Variants in INPP4B observed in about 807,000 individuals in gnomAD.
INPP4B encodes the protein inositol polyphosphate-4-phosphatase type II B, also known as inositol polyphosphate 4-phosphatase type II.
In INPP4B, 55 loss-of-function variants were observed where a neutral mutation model predicts 122.5. The ratio of observed to expected loss-of-function variants is 0.45; its 90% CI spans 0.36 to 0.56. The LOEUF (loss-of-function observed/expected upper bound fraction) is 0.56. INPP4B is among the 20% of genes least tolerant of loss of function. The probability of loss-of-function intolerance (pLI) is 0.00; values close to 1 mark genes in which losing one functional copy is unlikely to be tolerated. For missense variants in INPP4B, 1,000 were observed against 1,097.7 expected (o/e 0.91, Z 1.26); for synonymous variants, 403 against 388.7 (o/e 1.04, Z -0.43).
intron 2 of INPP4B, among the ~76,000 whole-genome samples, chr4:142,475,759 C>T (rs188047095): frequency 1.4e-4 from 22 of 152,208 alleles, no homozygotes; most frequent in East Asian, 1.2e-3. Flanking sequence ...AGTTCAAAGA[C>T]GGTTTCTCTA....
At chr4:142,704,235 A>G (rs28670348) in intron 2 of INPP4B, among the ~76,000 whole-genome samples, 13,432 of 152,242 alleles carry the variant, frequency 0.088, 723 homozygotes, top group African/African-American at 0.14. Flanking sequence ...TAGAGGGGAG[A>G]CACAGAGTGA....
chr4:142,139,812 G>T (rs1806791521), intron 18 of INPP4B, among the ~76,000 whole-genome samples: 1 of 152,134 alleles, frequency 6.6e-6, no homozygotes, highest in South Asian at 2.1e-4. Context: ...GTAGTTACCA[G>T]CAGACAGCTG....
At chr4:142,542,968 G>GA (rs920550034) in intron 2 of INPP4B, among the ~76,000 whole-genome samples, 2 of 151,616 alleles carry the variant, frequency 1.3e-5, no homozygotes, top group East Asian at 1.9e-4. Flanking sequence ...TTCAGAGAAA[G>GA]AAAAAAAATG....
chr4:142,509,313 T>C (rs1409763724), intron 2 of INPP4B, among the ~76,000 whole-genome samples: 1 of 152,158 alleles, frequency 6.6e-6, no homozygotes, highest in Non-Finnish European at 1.5e-5. Context: ...TGTGCTATGG[T>C]GGTTTGCTGC....
chr4:142,210,230 C>A (rs1232876885), intron 12 of INPP4B, among the ~76,000 whole-genome samples: 1 of 152,086 alleles, frequency 6.6e-6, no homozygotes, highest in Non-Finnish European at 1.5e-5. Flanking sequence ...CTGTTAAATG[C>A]AAGAATAATG....
At chr4:142,592,211 T>C (rs1737649554) in intron 2 of INPP4B, among the ~76,000 whole-genome samples, 1 of 152,192 alleles carries the variant, frequency 6.6e-6, no homozygotes, top group Non-Finnish European at 1.5e-5. Flanking sequence ...TTCCAAATAA[T>C]TTTTCCCAGG....
chr4:142,635,108 G>C (rs1158480935), intron 2 of INPP4B, among the ~76,000 whole-genome samples: 2 of 152,120 alleles, frequency 1.3e-5, no homozygotes, highest in East Asian at 1.9e-4. Flanking sequence ...ATGGAAAAAA[G>C]CTCAATATTA....
intron 1 of INPP4B, among the ~76,000 whole-genome samples, chr4:142,727,921 C>T (rs887356274): frequency 6.6e-6 from 1 of 152,104 alleles, no homozygotes; most frequent in African/African-American, 2.4e-5. Context: ...CTTGTGCACA[C>T]GGCTGACAGT....
chr4:142,807,023 G>T (rs1434760154), intron 1 of INPP4B, among the ~76,000 whole-genome samples: 1 of 152,144 alleles, frequency 6.6e-6, no homozygotes, highest in Non-Finnish European at 1.5e-5. Flanking sequence ...TTTGCTACAT[G>T]ATTGTGATGT....
At chr4:142,775,251 T>C (rs77418051) in intron 1 of INPP4B, among the ~76,000 whole-genome samples, 11,845 of 152,156 alleles carry the variant, frequency 0.078, 570 homozygotes, top group Middle Eastern at 0.12. Context: ...CTCTCCTCCA[T>C]GCATTCTTCT....
In INPP4B at chr4:142,637,851, C is replaced by G. The variant is rs374090772; in HGVS notation, c.-191+87988G>C. 2.6e-5 allele frequency among the ~76,000 whole-genome samples: 4 copies of G among 152,208 alleles called. No homozygotes were observed. In the East Asian group the frequency reaches 7.7e-4, roughly 29 times the overall value. ...AGTTCCTGTTGCTCCATATGCTCAC[C>G]GACATTTGGCGTTGTCAGCATTTTG... is the stretch of plus-strand genomic sequence containing the variant. On this transcript the variant is annotated intron_variant, in intron 2 of 25. Coordinates refer to ENST00000262992, the MANE Select transcript of INPP4B (RefSeq NM_001101669.3).
At chr4:142,627,180 C>A (rs1016365810) in intron 2 of INPP4B, among the ~76,000 whole-genome samples, 2 of 152,142 alleles carry the variant, frequency 1.3e-5, no homozygotes, top group African/African-American at 4.8e-5. Flanking sequence ...TATAGATATA[C>A]AATCATGTCG....
At chr4:142,247,191 T>A (rs1729326795) in intron 11 of INPP4B, among the ~76,000 whole-genome samples, 5 of 152,150 alleles carry the variant, frequency 3.3e-5, no homozygotes. Context: ...CTGGATTCAG[T>A]TTGCCAGCAT....
intron 2 of INPP4B, among the ~76,000 whole-genome samples, chr4:142,634,722 A>C (rs557389212): frequency 2.6e-5 from 4 of 152,270 alleles, no homozygotes; most frequent in Non-Finnish European, 5.9e-5. Context: ...TCAATAGTGA[A>C]ATATTGAAAG....
At chr4:142,624,880 C>T (rs200446853) in intron 2 of INPP4B, among the ~76,000 whole-genome samples, 1 of 152,036 alleles carries the variant, frequency 6.6e-6, no homozygotes, top group Non-Finnish European at 1.5e-5. Flanking sequence ...AAGACAAAAA[C>T]CACATGATTA....
chr4:142,415,393 C>T (rs1805480698), intron 5 of INPP4B, among the ~76,000 whole-genome samples: 2 of 152,098 alleles, frequency 1.3e-5, no homozygotes, highest in African/African-American at 4.8e-5. Flanking sequence ...GCAGAAAAGA[C>T]ACATGAAAAA....
chr4:142,427,265 G>C (rs1055692443), intron 5 of INPP4B: 2 of 323,830 alleles, frequency 6.2e-6, no homozygotes, highest in African/African-American at 4.3e-5. Context: ...CAACAATACA[G>C]TTCCATGATG....
chr4:142,650,184 C>T (rs1752639636), intron 2 of INPP4B, among the ~76,000 whole-genome samples: 1 of 152,168 alleles, frequency 6.6e-6, no homozygotes, highest in Non-Finnish European at 1.5e-5. Context: ...TCTGTCACCA[C>T]CAGGCCTGCC....
At chr4:142,520,866 T>A (rs575748855) in intron 2 of INPP4B, among the ~76,000 whole-genome samples, 1 of 151,972 alleles carries the variant, frequency 6.6e-6, no homozygotes, top group African/African-American at 2.4e-5. Flanking sequence ...CTGGCAAAGT[T>A]TTGGCATAAA....
Sources: gnomAD v4.1 joint callset for allele counts (sites outside exome capture counted in the v4.1 genomes callset) on GRCh38, gnomAD v4.1.1 for gene constraint, MANE v1.5 for transcripts, NCBI Gene and HGNC (gene_info 2026-07-23, HGNC 2026-07-21) for gene names.